Variants in FBXW8 observed in about 807,000 individuals in gnomAD.
FBXW8 encodes the protein F-box and WD repeat domain containing 8, also known as F-box/WD repeat-containing protein 8.
A neutral mutation model predicts 65.3 loss-of-function variants in FBXW8; 57 were observed. The ratio of observed to expected loss-of-function variants is 0.87; its 90% CI spans 0.71 to 1.09. The LOEUF (loss-of-function observed/expected upper bound fraction) is 1.09, where lower values mean the gene tolerates loss of function less well. Among genes scored for constraint, FBXW8 ranks in the 50% least tolerant of loss-of-function variants. The pLI is 0.00. For missense variants in FBXW8, 777 were observed against 814.8 expected (o/e 0.95, Z 0.57); for synonymous variants, 308 against 330.2 (o/e 0.93, Z 0.73).
At chr12:116,972,587 G>T (rs1378370939) in intron 5 of FBXW8, among the ~76,000 whole-genome samples, 1 of 152,158 alleles carries the variant, frequency 6.6e-6, no homozygotes, top group Non-Finnish European at 1.5e-5. Flanking sequence ...GAAGCTGAGC[G>T]AGGCAGTGGC....
At chr12:116,924,407 G>C (rs4522274) in intron 1 of FBXW8, among the ~76,000 whole-genome samples, 2 of 152,066 alleles carry the variant, frequency 1.3e-5, no homozygotes, top group African/African-American at 4.8e-5. Context: ...CACCTAAAAC[G>C]TTTATTATTT....
At chr12:117,007,675 C>T (rs544807895) in intron 7 of FBXW8, among the ~76,000 whole-genome samples, 15 of 152,156 alleles carry the variant, frequency 9.9e-5, no homozygotes, top group Admixed American at 2.6e-4. Flanking sequence ...TGGGTTGAGA[C>T]TCACCCAACT....
intron 5 of FBXW8, among the ~76,000 whole-genome samples, chr12:116,972,223 G>A (rs1884684011): frequency 6.6e-6 from 1 of 152,194 alleles, no homozygotes; most frequent in Non-Finnish European, 1.5e-5. Context: ...AGCAATAGTA[G>A]CACAAGGTAG....
chr12:117,002,513 G>C (rs959187631), intron 7 of FBXW8: 1 of 152,190 alleles, frequency 6.6e-6, no homozygotes, highest in Admixed American at 6.5e-5. Context: ...GCTGCGAAGT[G>C]CACCTGAAAG....
rs188102107 is a variant in FBXW8 at position 116,924,010 on chromosome 12, G to A, written c.319-4013G>A. On this transcript the variant is annotated intron_variant, in intron 1 of 10. Coordinates refer to ENST00000652555, the MANE Select transcript of FBXW8 (RefSeq NM_153348.3). Reference sequence around the variant, plus strand: ...TTACAGGCGTGAGCCACTGCACCCGGCCCAAAATTACTTTCTCTAAATATT... The same window carrying A: ...TTACAGGCGTGAGCCACTGCACCCGACCCAAAATTACTTTCTCTAAATATT... Among the ~76,000 whole-genome samples the A allele has an allele frequency of 5.9e-3, 898 of 152,282 alleles. 3 individuals carry two copies. Among genetic ancestry groups the A allele is most frequent in the Non-Finnish European group, 8.6e-3 (588 of 68,030 alleles).
intron 7 of FBXW8, among the ~76,000 whole-genome samples, chr12:116,993,471 C>T (rs2135683328): frequency 6.6e-6 from 1 of 152,206 alleles, no homozygotes; most frequent in East Asian, 1.9e-4. Flanking sequence ...TTTTAATTTG[C>T]ATTTCCCTGA....
chr12:117,009,745 C>A (rs1351439415), intron 7 of FBXW8, among the ~76,000 whole-genome samples: 1 of 152,124 alleles, frequency 6.6e-6, no homozygotes, highest in East Asian at 1.9e-4. Context: ...CCCTATGGAA[C>A]ACAGCATCCT....
chr12:116,912,227 G>T (rs1041412117), intron 1 of FBXW8, among the ~76,000 whole-genome samples: 6 of 129,976 alleles, frequency 4.6e-5, no homozygotes, highest in Admixed American at 2.6e-4. Context: ...TTGCTCTGTT[G>T]CCCAGGCTAG....
chr12:117,023,839 G>A (rs1044680248), intron 8 of FBXW8, among the ~76,000 whole-genome samples: 2 of 152,360 alleles, frequency 1.3e-5, no homozygotes, highest in African/African-American at 4.8e-5. Context: ...GCTGGGACAG[G>A]CGTCTCAGGC....
chr12:117,016,042 T>C (rs901375316), intron 8 of FBXW8, among the ~76,000 whole-genome samples: 1 of 152,256 alleles, frequency 6.6e-6, no homozygotes, highest in Non-Finnish European at 1.5e-5. Flanking sequence ...TAATATTCCC[T>C]TGTACAGATA....
chr12:116,945,496 G>A lies in FBXW8; in HGVS notation c.556G>A (p.Ala186Thr). The A allele has an allele frequency of 6.2e-7, 1 of 1,614,126 alleles. No individual in the cohort carries two copies. The highest frequency in any genetic ancestry group is 1.7e-4 in the Middle Eastern group (1 of 6,038). Residue 186 changes from alanine (A) to threonine (T), a missense_variant, in exon 3 of 11, where the codon GCC becomes ACC. Coordinates refer to ENST00000652555, the MANE Select transcript of FBXW8 (RefSeq NM_153348.3). ...GAAGCTCATCTTCCAAGAGTGCCGA[G>A]CCAAGGAACACATGTTACGAACCAA... ...CWKLIFQECRAKEHMLRTNWK... is the reference protein window; with the variant it reads ...CWKLIFQECRTKEHMLRTNWK...
chr12:117,027,884 C>T, intron 10 of FBXW8, 144 bp from the exon 11 acceptor site: 2 of 1,102,226 alleles, frequency 1.8e-6, no homozygotes, highest in South Asian at 3.0e-5. Context: ...CTGTGAGTAT[C>T]TGACGCTGTG....
At chr12:116,931,437 A>G (rs1180381612) in intron 2 of FBXW8, among the ~76,000 whole-genome samples, 6 of 151,462 alleles carry the variant, frequency 4.0e-5, no homozygotes, top group Admixed American at 6.6e-5. Context: ...TGGAATTTTT[A>G]TAGAGATTGC....
chr12:117,020,543 C>A (rs1246307513), intron 8 of FBXW8, among the ~76,000 whole-genome samples: 2 of 152,236 alleles, frequency 1.3e-5, no homozygotes, highest in Non-Finnish European at 2.9e-5. Flanking sequence ...TCTCTTTGTG[C>A]TCCATTCTTG....
intron 7 of FBXW8, among the ~76,000 whole-genome samples, chr12:117,009,159 C>G (rs1953745849): frequency 6.6e-6 from 1 of 152,290 alleles, no homozygotes; most frequent in South Asian, 2.1e-4. Flanking sequence ...ATCACTTGAG[C>G]TCAAAAGTTT....
At chr12:116,935,385 C>T (rs1882084048) in intron 2 of FBXW8, among the ~76,000 whole-genome samples, 1 of 152,150 alleles carries the variant, frequency 6.6e-6, no homozygotes, top group South Asian at 2.1e-4. Context: ...CTGTGTGAGT[C>T]AGGAATCCAT....
chr12:116,992,761 GGTGTGTGT>G (rs59119067), intron 7 of FBXW8, among the ~76,000 whole-genome samples: 300 of 143,644 alleles, frequency 2.1e-3, no homozygotes, highest in African/African-American at 4.2e-3. Flanking sequence ...ATTATTCCAT[GGTGTGTGT>G]GTGTGTGTGT....
chr12:116,990,538 T>A (rs1055499123), intron 7 of FBXW8, among the ~76,000 whole-genome samples: 1 of 152,216 alleles, frequency 6.6e-6, no homozygotes, highest in Non-Finnish European at 1.5e-5. Flanking sequence ...TTGTGTTATC[T>A]CATTTATTTT....
At chr12:117,027,343 G>T in intron 9 of FBXW8, 51 bp from the exon 10 acceptor site, 2 of 1,390,704 alleles carry the variant, frequency 1.4e-6, no homozygotes, top group Non-Finnish European at 1.0e-6. Context: ...GCGGCAGCAA[G>T]TGCAGGCCCA....
Sources: allele counts gnomAD v4.1 joint callset (sites outside exome capture counted in the v4.1 genomes callset), GRCh38; gene constraint gnomAD v4.1.1; transcripts MANE v1.5; gene names NCBI Gene and HGNC (gene_info 2026-07-23, HGNC 2026-07-21).